The following CTNND2 variants were observed in gnomAD, a reference collection of about 807,000 sequenced individuals.
The protein encoded by CTNND2 is catenin delta-2.
CTNND2 carries 22 observed loss-of-function variants against 144.4 expected under a neutral mutation model. The ratio of observed to expected loss-of-function variants is 0.15; its 90% CI spans 0.11 to 0.22. CTNND2 has a LOEUF of 0.22. Among genes scored for constraint, CTNND2 ranks in the 10% least tolerant of loss-of-function variants. The pLI is 1.00. For missense variants in CTNND2, 1,353 were observed against 1,618.8 expected (o/e 0.84, Z 2.82); for synonymous variants, 751 against 695.6 (o/e 1.08, Z -1.25).
intron 1 of CTNND2, among the ~76,000 whole-genome samples, chr5:11,865,985 C>G (rs191051080): frequency 6.0e-5 from 9 of 150,514 alleles, no homozygotes; most frequent in Non-Finnish European, 1.3e-4. Flanking sequence ...CCAACTGACA[C>G]CCACATAGAG....
intron 3 of CTNND2, among the ~76,000 whole-genome samples, chr5:11,557,139 T>C (rs945874309): frequency 6.6e-6 from 1 of 152,222 alleles, no homozygotes; most frequent in African/African-American, 2.4e-5. Flanking sequence ...AATTCAGCTT[T>C]TTGTAATATA....
chr5:11,390,124 G>A (rs886954621), intron 6 of CTNND2, among the ~76,000 whole-genome samples: 1 of 152,184 alleles, frequency 6.6e-6, no homozygotes, highest in Non-Finnish European at 1.5e-5. Flanking sequence ...TGTTTTTGAA[G>A]AGCTCTCAAC....
chr5:11,502,027 CAAAAAAAAAAAA>C (rs547364682), intron 3 of CTNND2, among the ~76,000 whole-genome samples: 4 of 57,266 alleles, frequency 7.0e-5, no homozygotes, highest in African/African-American at 1.8e-4. Context: ...GACTCCATCT[CAAAAAAAAAAAA>C]AAAAAAAAAA....
At chr5:11,048,218 C>T (rs1263052324) in intron 16 of CTNND2, among the ~76,000 whole-genome samples, 4 of 152,168 alleles carry the variant, frequency 2.6e-5, no homozygotes, top group Non-Finnish European at 4.4e-5. Context: ...CCAATCTCTG[C>T]ATCTACTTAG....
intron 16 of CTNND2, among the ~76,000 whole-genome samples, chr5:11,076,702 A>C (rs1192279861): frequency 6.6e-6 from 1 of 152,192 alleles, no homozygotes; most frequent in African/African-American, 2.4e-5. Context: ...AGCGTGTTTC[A>C]TTCTGCTAGT....
intron 2 of CTNND2, among the ~76,000 whole-genome samples, chr5:11,581,118 C>T (rs973791121): frequency 6.6e-5 from 10 of 152,278 alleles, no homozygotes; most frequent in East Asian, 1.9e-4. Context: ...GAAATAGCTG[C>T]TTTATAGGAA....
intron 1 of CTNND2, among the ~76,000 whole-genome samples, chr5:11,783,108 G>A (rs879871904): frequency 7.9e-5 from 12 of 152,060 alleles, no homozygotes; most frequent in Non-Finnish European, 8.8e-5. Context: ...GGCAGATCCC[G>A]GAGAGAAGAG....
rs140843999 is a variant in CTNND2, at chr5:11,832,756, T to C, written c.37+71061A>G. ...AGGAGTTCAAGACCAGCTTGAGCAATATGGTGAAACCTTATCTCTACAAAA... is the reference window on the plus strand; with the variant it reads ...AGGAGTTCAAGACCAGCTTGAGCAACATGGTGAAACCTTATCTCTACAAAA... On this transcript the variant is annotated intron_variant, in intron 1 of 21. Transcript: ENST00000304623. Among the ~76,000 whole-genome samples, 1,339 of 152,154 alleles carry C rather than the reference T, an allele frequency of 8.8e-3. 25 individuals carry two copies. The highest frequency in any genetic ancestry group is 0.03 in the African/African-American group (1,252 of 41,512).
intron 7 of CTNND2, among the ~76,000 whole-genome samples, chr5:11,375,928 C>T (rs567277475): frequency 6.8e-4 from 103 of 152,208 alleles, no homozygotes; most frequent in South Asian, 1.2e-3. Flanking sequence ...CCTCGCCCCC[C>T]GATTATGTTG....
At chr5:11,703,031 G>A (rs369456877) in intron 2 of CTNND2, among the ~76,000 whole-genome samples, 39 of 152,144 alleles carry the variant, frequency 2.6e-4, no homozygotes, top group Non-Finnish European at 4.4e-4. Context: ...CTAGGATGAC[G>A]CATTCAGGGA....
chr5:11,539,319 C>T (rs759983592), intron 3 of CTNND2, among the ~76,000 whole-genome samples: 2 of 152,120 alleles, frequency 1.3e-5, no homozygotes, highest in African/African-American at 4.8e-5. Flanking sequence ...GGGTGGCAGG[C>T]GGAAAGAACT....
chr5:11,569,162 C>A (rs1777359867), intron 2 of CTNND2, among the ~76,000 whole-genome samples: 1 of 151,974 alleles, frequency 6.6e-6, no homozygotes, highest in Non-Finnish European at 1.5e-5. Flanking sequence ...ACAGAGACTG[C>A]CCAGAGACAT....
intron 9 of CTNND2, among the ~76,000 whole-genome samples, chr5:11,330,530 C>CAG (rs1753019273): frequency 7.5e-6 from 1 of 132,634 alleles, no homozygotes; most frequent in Non-Finnish European, 1.6e-5. Context: ...CTTATGGTTA[C>CAG]AGAGTTCAGG....
intron 9 of CTNND2, among the ~76,000 whole-genome samples, chr5:11,326,139 T>C (rs1202196121): frequency 6.6e-6 from 1 of 152,124 alleles, no homozygotes; most frequent in Non-Finnish European, 1.5e-5. Flanking sequence ...CTTTTACCCC[T>C]CCCTTGAAGT....
Position 11,307,304 on chromosome 5 carries a change from AGTGTGTGTGTGTGTGTGTGTGTGT to A in CTNND2, c.1628+39044_1628+39067del, listed in dbSNP as rs3033112. ...AATATCCAAACCACAAAGGTAGAGT[AGTGTGTGTGTGTGTGTGTGTGTGT>A]GTGTGTGTGTGTGTGTACACAAGGG... On this transcript the variant is annotated intron_variant, in intron 9 of 21. Coordinates refer to ENST00000304623, the MANE Select transcript of CTNND2 (RefSeq NM_001332.4). 7.5e-5 allele frequency among the ~76,000 whole-genome samples: 11 copies of A among 146,526 alleles called. No homozygotes were observed. In the South Asian group the frequency reaches 2.3e-3, roughly 30 times the overall value.
At chr5:11,151,388 C>G (rs1217484167) in intron 12 of CTNND2, among the ~76,000 whole-genome samples, 1 of 152,156 alleles carries the variant, frequency 6.6e-6, no homozygotes, top group African/African-American at 2.4e-5. Context: ...AAAGAATGAA[C>G]CAGCTTTTTA....
chr5:11,253,333 T>G (rs1331059909), intron 9 of CTNND2, among the ~76,000 whole-genome samples: 1 of 152,250 alleles, frequency 6.6e-6, no homozygotes, highest in Admixed American at 6.5e-5. Flanking sequence ...GGCTGTGTCC[T>G]CACTCAAATC....
intron 11 of CTNND2, among the ~76,000 whole-genome samples, chr5:11,164,661 C>T (rs571232417): frequency 4.6e-5 from 7 of 152,150 alleles, no homozygotes; most frequent in Non-Finnish European, 8.8e-5. Context: ...CTTGCTGCTG[C>T]CTCATTCTGG....
intron 15 of CTNND2, among the ~76,000 whole-genome samples, chr5:11,086,306 T>C (rs1486062234): frequency 2.6e-5 from 4 of 152,048 alleles, no homozygotes; most frequent in Non-Finnish European, 4.4e-5. Flanking sequence ...CGTCCATGTG[T>C]GTCCTGGAGA....
Sources: allele counts gnomAD v4.1 joint callset (sites outside exome capture counted in the v4.1 genomes callset), GRCh38; gene constraint gnomAD v4.1.1; transcripts MANE v1.5; gene names NCBI Gene and HGNC (gene_info 2026-07-23, HGNC 2026-07-21).